NLRP14: variants seen among roughly 807,000 people sequenced by gnomAD.
The protein encoded by NLRP14 is NACHT, LRR and PYD domains-containing protein 14.
Under a neutral mutation model 94.7 loss-of-function variants are expected in NLRP14, and 105 were observed. The observed-to-expected ratio is 1.11, with a 90% CI of 0.95 to 1.30. The LOEUF (loss-of-function observed/expected upper bound fraction) is 1.30. NLRP14 is among the 50% of genes most tolerant of loss of function. NLRP14 has a pLI of 0.00. For missense variants in NLRP14, 1,362 were observed against 1,254.1 expected, an observed-to-expected ratio of 1.09 and a Z score of -1.30; for synonymous variants, 508 against 459.9, an observed-to-expected ratio of 1.10 and a Z score of -1.34.
chr11:7,068,666 T>C (rs1271883437), intron 10 of NLRP14, among the ~76,000 whole-genome samples: 3 of 152,182 alleles, frequency 2.0e-5, no homozygotes, highest in African/African-American at 7.2e-5. Flanking sequence ...TTAATTTATA[T>C]TTTTTCTAAG....
the NLRP14 span, among the ~76,000 whole-genome samples, chr11:7,078,615 C>A: frequency 1.3e-5 from 2 of 151,464 alleles, no homozygotes; most frequent in Non-Finnish European, 2.9e-5. Context: ...CATGGTGAAA[C>A]CCCGTCTCTA....
intron 1 of NLRP14, among the ~76,000 whole-genome samples, chr11:7,034,442 C>G (rs559374342): frequency 6.6e-6 from 1 of 152,152 alleles, no homozygotes; most frequent in African/African-American, 2.4e-5. Flanking sequence ...AGCCCTGATT[C>G]CTTTTATTGG....
the NLRP14 span, chr11:7,090,082 G>A: frequency 4.3e-6 from 7 of 1,611,504 alleles, no homozygotes; most frequent in African/African-American, 2.7e-5. Context: ...GCCTACAGCG[G>A]CGGCCGCGAC....
chr11:7,089,079 A>C, the NLRP14 span: 10 of 1,593,472 alleles, frequency 6.3e-6, no homozygotes, highest in Non-Finnish European at 8.6e-6. Context: ...GCGCCGCCTC[A>C]CCGCCTCCCA....
Position 7,046,670 on chromosome 11 carries a change from A to C in NLRP14, c.1961A>C (p.Asp654Ala). 6.2e-7 allele frequency: 1 copy of C among 1,612,838 alleles called. No individual in the cohort carries two copies. Among genetic ancestry groups the C allele is most frequent in the East Asian group, 2.2e-5 (1 of 44,878 alleles). Residue 654 changes from aspartate to alanine, a missense_variant and splice_region_variant, in exon 5 of 12, where the codon GAT becomes GCT. Asp to Ala is a moderately radical substitution (Grantham distance 126). Coordinates refer to ENST00000299481, the MANE Select transcript of NLRP14 (RefSeq NM_176822.4). ...TTTTCTCAATTATTTATGCAAAGGGATGGTGATCGCATTACTCACTGTTGG... is the reference window on the plus strand; with the variant it reads ...TTTTCTCAATTATTTATGCAAAGGGCTGGTGATCGCATTACTCACTGTTGG... ...LKTSLPTNTW[D>A]GDRITHCWQD...
chr11:7,077,468 T>C, the NLRP14 span, among the ~76,000 whole-genome samples: 1 of 152,250 alleles, frequency 6.6e-6, no homozygotes, highest in Non-Finnish European at 1.5e-5. Flanking sequence ...TTACCATTCA[T>C]TGAAGTAACA....
chr11:7,047,829 G>C (rs1489762927), intron 5 of NLRP14, among the ~76,000 whole-genome samples: 7 of 136,866 alleles, frequency 5.1e-5, no homozygotes, highest in African/African-American at 1.9e-4. Flanking sequence ...GCACAATCTC[G>C]GCTCACTGCA....
intron 6 of NLRP14, among the ~76,000 whole-genome samples, chr11:7,051,713 C>G (rs1215308321): frequency 6.6e-6 from 1 of 152,162 alleles, no homozygotes; most frequent in Non-Finnish European, 1.5e-5. Context: ...ACCTCTGCCT[C>G]CTGGGTTCAA....
In NLRP14 at chr11:7,071,306, T is replaced by C. The variant is rs768779456; in HGVS notation, c.3280T>C (p.Ter1094ArgextTer11). Reference sequence around the variant, plus strand: ...AGATGTGTCTTGGTGGTGGTGTTTCTGATTTGAAGAAACTGACATTCCTTT... The same window carrying C: ...AGATGTGTCTTGGTGGTGGTGTTTCCGATTTGAAGAAACTGACATTCCTTT... Reference protein sequence around the residue: ...EEDVSWWWCF* With the variant: ...EEDVSWWWCFR Residue 1094 changes from the stop codon to arginine, a stop_lost, in exon 12 of 12, where the codon TGA becomes CGA. Transcript: ENST00000299481. 6.2e-7 allele frequency: 1 copy of C among 1,611,900 alleles called. No homozygotes were observed. Among genetic ancestry groups the C allele is most frequent in the African/African-American group, 1.3e-5 (1 of 74,814 alleles).
chr11:7,025,144 AAG>A (rs539503297), intron 1 of NLRP14, among the ~76,000 whole-genome samples: 111 of 152,196 alleles, frequency 7.3e-4, no homozygotes, highest in Non-Finnish European at 1.4e-3. Flanking sequence ...TAGACATAAA[AAG>A]GTATAATTTC....
intron 6 of NLRP14, among the ~76,000 whole-genome samples, chr11:7,050,934 T>C (rs1312878172): frequency 6.6e-6 from 1 of 152,198 alleles, no homozygotes; most frequent in East Asian, 1.9e-4. Flanking sequence ...TAAAATGTAT[T>C]AGTAGCAAAA....
At chr11:7,076,347 T>A (rs1852873654), downstream of NLRP14, among the ~76,000 whole-genome samples, 1 of 152,206 alleles carries the variant, frequency 6.6e-6, no homozygotes, top group Non-Finnish European at 1.5e-5. Context: ...TAGTTTTTTT[T>A]ATTCTTTATG....
chr11:7,088,995 C>G, the NLRP14 span: 1 of 1,160,492 alleles, frequency 8.6e-7, no homozygotes, highest in East Asian at 2.6e-5. Flanking sequence ...GCTGCGGTTC[C>G]GTGGACTCGG....
rs1259516169 is a variant in NLRP14 at position 7,071,499 on chromosome 11, A to G, written c.*191A>G. On this transcript the variant is annotated 3_prime_UTR_variant, in exon 12 of 12. Transcript: ENST00000299481. Reference sequence around the variant, plus strand: ...CTTCACACAGTGGTCGAGAGGCTAAAATAAAATGAAAAGCATAAAACTCTC... The same window carrying G: ...CTTCACACAGTGGTCGAGAGGCTAAGATAAAATGAAAAGCATAAAACTCTC... Among the ~76,000 whole-genome samples the G allele has an allele frequency of 7.1e-6, 1 of 140,668 alleles. No homozygotes were observed. Among genetic ancestry groups the G allele is most frequent in the Non-Finnish European group, 1.6e-5 (1 of 64,432 alleles). 92.3% of individuals were successfully genotyped at this position (140,668 alleles called of 152,430 possible).
At chr11:7,074,472 T>C (rs1038087432), downstream of NLRP14, among the ~76,000 whole-genome samples, 3 of 152,202 alleles carry the variant, frequency 2.0e-5, no homozygotes, top group Non-Finnish European at 2.9e-5. Flanking sequence ...CATCGTCTCA[T>C]CCTTCACAGA....
rs142259677 is a variant in NLRP14, at chr11:7,043,832, C to T, written c.1806C>T (p.Phe602=). The part of the protein sequence containing the change: ...KAFISQAMRC[F]PKVAINICEK... ...TTATAAGCCAGGCAATGAGATGTTT[C>T]CCAAAGGTTGCCATTAATATTTGTG... Residue 602 remains phenylalanine, a synonymous_variant, in exon 4 of 12, where the codon TTC becomes TTT. Coordinates refer to ENST00000299481, the MANE Select transcript of NLRP14 (RefSeq NM_176822.4). 3.8e-5 allele frequency: 61 copies of T among 1,614,038 alleles called. No homozygotes were observed. The highest frequency in any genetic ancestry group is 8.8e-5 in the South Asian group (8 of 91,078).
intron 9 of NLRP14, 100 bp downstream of exon 9, chr11:7,060,164 G>T (rs1852594868): frequency 1.9e-5 from 21 of 1,095,626 alleles, no homozygotes; most frequent in Non-Finnish European, 2.8e-5. Context: ...TCAGAGAAAA[G>T]AATATAAAGC....
chr11:7,045,289 G>A (rs964145978), intron 4 of NLRP14, among the ~76,000 whole-genome samples: 1 of 152,058 alleles, frequency 6.6e-6, no homozygotes. Context: ...ATTTAACAGG[G>A]CATTAAAACG....
At chr11:7,090,288 A>G in the NLRP14 span, 9 of 1,598,604 alleles carry the variant, frequency 5.6e-6, no homozygotes, top group African/African-American at 1.2e-4. Context: ...AGGAGGCCGG[A>G]GCAGATACTA....
Sources: gnomAD v4.1 joint callset for allele counts (sites outside exome capture counted in the v4.1 genomes callset) on GRCh38, gnomAD v4.1.1 for gene constraint, MANE v1.5 for transcripts, NCBI Gene and HGNC (gene_info 2026-07-23, HGNC 2026-07-21) for gene names.